DPP4: variants seen among roughly 807,000 people sequenced by gnomAD.
DPP4 encodes the protein dipeptidyl peptidase 4, also known as ADCP-2.
DPP4 carries 93 observed loss-of-function variants against 122.4 expected under a neutral mutation model. That is an observed-to-expected ratio of 0.76 (90% CI 0.64 to 0.90). The LOEUF (loss-of-function observed/expected upper bound fraction) is 0.90, where lower values mean the gene tolerates loss of function less well. DPP4 is among the 40% of genes least tolerant of loss of function. The pLI is 0.00. For missense variants in DPP4, 914 were observed against 907.3 expected (o/e 1.01, Z -0.09); for synonymous variants, 321 against 302.9 (o/e 1.06, Z -0.62).
chr2:162,001,078 C>T (rs951280509), intron 23 of DPP4, among the ~76,000 whole-genome samples: 1 of 152,136 alleles, frequency 6.6e-6, no homozygotes, highest in South Asian at 2.1e-4. Context: ...CCCCATCTTC[C>T]GAAATCTTTC....
chr2:162,051,190 C>T (rs887358030), intron 2 of DPP4, among the ~76,000 whole-genome samples: 4 of 152,140 alleles, frequency 2.6e-5, no homozygotes, highest in African/African-American at 4.8e-5. Flanking sequence ...TAAAATGGCT[C>T]AATCTAATAA....
intron 10 of DPP4, among the ~76,000 whole-genome samples, chr2:162,029,964 C>T (rs1199996111): frequency 6.6e-6 from 1 of 152,176 alleles, no homozygotes; most frequent in Admixed American, 6.5e-5. Context: ...TCCACCCATC[C>T]ATCCATCCTC....
At chr2:162,016,290 A>G (rs1235107491) in intron 18 of DPP4, among the ~76,000 whole-genome samples, 1 of 152,182 alleles carries the variant, frequency 6.6e-6, no homozygotes, top group Non-Finnish European at 1.5e-5. Context: ...TGATTACACA[A>G]TCAAGCCGGG....
chr2:162,004,226 C>A (rs1442855021), intron 23 of DPP4, among the ~76,000 whole-genome samples: 2 of 152,088 alleles, frequency 1.3e-5, no homozygotes, highest in East Asian at 3.9e-4. Flanking sequence ...GAGTTAATCT[C>A]CCAGCTCTGT....
At chr2:162,025,663 T>G (rs570430832) in intron 10 of DPP4, among the ~76,000 whole-genome samples, 2 of 152,310 alleles carry the variant, frequency 1.3e-5, no homozygotes, top group African/African-American at 4.8e-5. Context: ...ATTCATTGTT[T>G]ACTTTTCTGC....
At chr2:162,061,592 A>G (rs1396085213) in intron 2 of DPP4, among the ~76,000 whole-genome samples, 4 of 152,224 alleles carry the variant, frequency 2.6e-5, no homozygotes, top group African/African-American at 9.6e-5. Flanking sequence ...AGTTGCTAGC[A>G]CTTACAAATT....
chr2:162,074,065 C>A lies in DPP4; in HGVS notation c.-84G>T. ...GGGCGGCGGAGACGCGCGTCCTGCA[C>A]CGCTGCTCCGGGCGGTGGAGTCACT... On this transcript the variant is annotated 5_prime_UTR_variant, in exon 1 of 26. Transcript: ENST00000360534. 6.5e-7 allele frequency: 1 copy of A among 1,549,100 alleles called. No individual in the cohort carries two copies. The highest frequency in any genetic ancestry group is 2.0e-5 in the Admixed American group (1 of 49,816).
At chr2:162,059,545 T>C (rs1311531937) in intron 2 of DPP4, among the ~76,000 whole-genome samples, 1 of 152,202 alleles carries the variant, frequency 6.6e-6, no homozygotes, top group Non-Finnish European at 1.5e-5. Flanking sequence ...GTGGAGGGTA[T>C]TATAGTGCAA....
intron 15 of DPP4, 75 bp from the exon 16 acceptor site, chr2:162,018,925 T>A: frequency 2.6e-6 from 4 of 1,568,290 alleles, no homozygotes; most frequent in Non-Finnish European, 2.6e-6. Flanking sequence ...AAAGCCATAT[T>A]CTAGTTTCAA....
chr2:162,027,799 TTGGGAAG>T (rs1349864830), intron 10 of DPP4, among the ~76,000 whole-genome samples: 1 of 152,090 alleles, frequency 6.6e-6, no homozygotes, highest in African/African-American at 2.4e-5. Context: ...GTAATGGAAT[TTGGGAAG>T]TCAGCCAGGA....
intron 2 of DPP4, among the ~76,000 whole-genome samples, chr2:162,049,464 C>G (rs1684306477): frequency 6.7e-6 from 1 of 148,634 alleles, no homozygotes; most frequent in Non-Finnish European, 1.5e-5. Flanking sequence ...ACAACCAACA[C>G]TGAGGCCTGT....
rs1303566623 is a variant in DPP4 at position 162,038,409 on chromosome 2, T to C, written c.506A>G (p.Asn169Ser). ...PVGHKLAYVW[N>S]NDIYVKIEPN... ...TTCAATTTTAACATAAATGTCATTGTTCCAAACATATGCCTAGAAGGAAAA... is the reference window on the plus strand; with the variant it reads ...TTCAATTTTAACATAAATGTCATTGCTCCAAACATATGCCTAGAAGGAAAA... The change falls in exon 8 of 26, where the codon AAC becomes AGC. Residue 169 changes from asparagine to serine, a missense_variant. Physicochemically the swap from Asn to Ser is conservative, Grantham distance 46. Coordinates refer to ENST00000360534, the MANE Select transcript of DPP4 (RefSeq NM_001935.4). 2 of 1,603,608 alleles carry C rather than the reference T, an allele frequency of 1.2e-6. No individual in the cohort carries two copies. Among genetic ancestry groups the C allele is most frequent in the Non-Finnish European group, 8.5e-7 (1 of 1,175,804 alleles).
chr2:162,046,621 G>A (rs958004656), intron 4 of DPP4: 7 of 496,158 alleles, frequency 1.4e-5, no homozygotes, highest in Non-Finnish European at 2.8e-5. Flanking sequence ...TAATGCTGTG[G>A]GGTTGCATGA....
intron 18 of DPP4, 97 bp from the exon 19 acceptor site, chr2:162,014,562 T>C: frequency 2.4e-6 from 2 of 829,530 alleles, no homozygotes; most frequent in Non-Finnish European, 3.8e-6. Context: ...TTCTAGAGTT[T>C]AACAATTTGT....
chr2:162,055,436 C>T (rs1301331474), intron 2 of DPP4, among the ~76,000 whole-genome samples: 3 of 152,074 alleles, frequency 2.0e-5, no homozygotes, highest in African/African-American at 7.2e-5. Context: ...GTGACTCATG[C>T]CTGTAATCCT....
Position 162,045,424 on chromosome 2 carries a change from T to C in DPP4, c.366+108A>G, listed in dbSNP as rs113636011. The stretch of plus-strand genomic sequence containing the variant: ...CTGAATTAATGAGTTTTAGTGCCTA[T>C]TACATTACTTAGATATTAATCTTAA... On this transcript the variant is annotated intron_variant, in intron 5 of 25. Transcript: ENST00000360534. 962 of 777,868 alleles carry C rather than the reference T, an allele frequency of 1.2e-3. 6 individuals carry two copies. The African/African-American group carries it at 0.015, about 12-fold the overall frequency. 48.2% of individuals were successfully genotyped at this position (777,868 alleles called of 1,614,324 possible). A position where few individuals can be genotyped will look rare whatever the true frequency, so the allele number is the denominator to read the frequency against.
At position 162,019,227 on chromosome 2, in the gene DPP4, A is replaced by G; in HGVS notation, c.1294T>C (p.Tyr432His). ...YKGMPGGRNL[Y>H]KIQLSDYTKV... ...ACAACTTGACAGAGCTCTTACTTAT[A>G]AAGATTCCTTCCTCCTGGCATTCCT... Residue 432 changes from tyrosine (Y) to histidine (H), a missense_variant, in exon 15 of 26, where the codon TAT becomes CAT. Coordinates refer to ENST00000360534, the MANE Select transcript of DPP4 (RefSeq NM_001935.4). 1.3e-6 allele frequency: 2 copies of G among 1,597,488 alleles called. No individual in the cohort carries two copies. Among genetic ancestry groups the G allele is most frequent in the Non-Finnish European group, 1.7e-6 (2 of 1,168,378 alleles).
chr2:162,046,789 A>T (rs1400788496), intron 4 of DPP4, 126 bp downstream of exon 4: 1 of 725,714 alleles, frequency 1.4e-6, no homozygotes, highest in African/African-American at 1.7e-5. Flanking sequence ...GGAGAGAAAG[A>T]TCCACTTTGC....
At chr2:162,036,171 T>C (rs544890932) in intron 8 of DPP4, among the ~76,000 whole-genome samples, 1 of 152,252 alleles carries the variant, frequency 6.6e-6, no homozygotes, top group Admixed American at 6.6e-5. Flanking sequence ...CGCCTAGATA[T>C]TCCACAAGTC....
Sources: gnomAD v4.1 joint callset for allele counts (sites outside exome capture counted in the v4.1 genomes callset) on GRCh38, gnomAD v4.1.1 for gene constraint, MANE v1.5 for transcripts, NCBI Gene and HGNC (gene_info 2026-07-23, HGNC 2026-07-21) for gene names.